SSH2: variants seen among roughly 807,000 people sequenced by gnomAD.
SSH2 encodes the protein protein phosphatase Slingshot homolog 2.
SSH2 carries 37 observed loss-of-function variants against 135.2 expected under a neutral mutation model. The observed-to-expected ratio is 0.27, with a 90% CI of 0.21 to 0.36. The LOEUF (loss-of-function observed/expected upper bound fraction) is 0.36, where lower values mean the gene tolerates loss of function less well. SSH2 is among the 10% of genes least tolerant of loss of function. The pLI is 1.00. For missense variants in SSH2, 1,408 were observed against 1,765.3 expected, an observed-to-expected ratio of 0.80 and a Z score of 3.63; for synonymous variants, 628 against 646.2, an observed-to-expected ratio of 0.97 and a Z score of 0.43.
chr17:29,928,365 C>T (rs776681326), intron 1 of SSH2: 7 of 394,998 alleles, frequency 1.8e-5, no homozygotes, highest in Non-Finnish European at 3.1e-5. Context: ...TACAAGTATT[C>T]TCAAATCACA....
chr17:29,765,677 T>G (rs1223484272), intron 3 of SSH2, among the ~76,000 whole-genome samples: 1 of 152,158 alleles, frequency 6.6e-6, no homozygotes, highest in Non-Finnish European at 1.5e-5. Flanking sequence ...AGCCCTACTT[T>G]CTTTAATCTT....
At chr17:29,681,580 C>A (rs1162136940) in intron 6 of SSH2, among the ~76,000 whole-genome samples, 2 of 150,952 alleles carry the variant, frequency 1.3e-5, no homozygotes, top group Non-Finnish European at 3.0e-5. Context: ...AAAAAAACCC[C>A]AAAAAACCAT....
At chr17:29,767,980 T>C (rs1320440542) in intron 3 of SSH2, among the ~76,000 whole-genome samples, 1 of 152,158 alleles carries the variant, frequency 6.6e-6, no homozygotes, top group African/African-American at 2.4e-5. Context: ...GTTTGAAATA[T>C]TTTAAACATC....
At chr17:29,761,841 A>AGTGTGTG (rs2041319161) in intron 3 of SSH2, among the ~76,000 whole-genome samples, 1 of 141,228 alleles carries the variant, frequency 7.1e-6, no homozygotes, top group Admixed American at 6.8e-5. Context: ...ACTCACATAC[A>AGTGTGTG]TATGTGTGTG....
At chr17:29,873,886 G>A (rs77481819) in intron 1 of SSH2, among the ~76,000 whole-genome samples, 10,127 of 152,242 alleles carry the variant, frequency 0.067, 472 homozygotes, top group Middle Eastern at 0.11. Flanking sequence ...TTAGATATTT[G>A]GTTGAGTTTC....
intron 2 of SSH2, among the ~76,000 whole-genome samples, chr17:29,804,250 T>C (rs748333346): frequency 5.3e-5 from 8 of 152,302 alleles, no homozygotes; most frequent in Non-Finnish European, 1.0e-4. Context: ...ACAAACTTTC[T>C]TCCCTATAAT....
intron 11 of SSH2, among the ~76,000 whole-genome samples, chr17:29,664,478 A>G (rs927960383): frequency 6.6e-6 from 1 of 152,070 alleles, no homozygotes; most frequent in African/African-American, 2.4e-5. Flanking sequence ...GTCTTCTAAA[A>G]TTTTTAAAAA....
intron 3 of SSH2, among the ~76,000 whole-genome samples, chr17:29,783,232 T>A (rs2041879010): frequency 6.7e-6 from 1 of 149,572 alleles, no homozygotes; most frequent in African/African-American, 2.4e-5. Flanking sequence ...TTATTAGGGT[T>A]CTCTATAGGG....
At position 29,913,347 on chromosome 17, in the gene SSH2, AATATATAT is replaced by A. The variant is rs56068605; in HGVS notation, c.63+16583_63+16590del. On this transcript the variant is annotated intron_variant, in intron 1 of 15. Transcript: ENST00000540801. The stretch of plus-strand genomic sequence containing the variant: ...AAAAAAAAAAAAAAAAAAAAAAAAA[AATATATAT>A]ATATATATATATATATATATATATA... Among the ~76,000 whole-genome samples, 241 of 28,736 alleles carry A rather than the reference AATATATAT, an allele frequency of 8.4e-3. 8 individuals are homozygous for A. Among genetic ancestry groups the A allele is most frequent in the African/African-American group, 0.013 (105 of 8,032 alleles). 18.9% of individuals were successfully genotyped at this position (28,736 alleles called of 152,430 possible).
At chr17:29,696,392 TTTATAC>T (rs1011777619) in intron 4 of SSH2, among the ~76,000 whole-genome samples, 2 of 148,024 alleles carry the variant, frequency 1.4e-5, no homozygotes, top group African/African-American at 2.5e-5. Context: ...TATATTTATA[TTTATAC>T]ATATCCATAC....
At chr17:29,828,988 C>T (rs2042791652) in intron 2 of SSH2, among the ~76,000 whole-genome samples, 1 of 152,062 alleles carries the variant, frequency 6.6e-6, no homozygotes, top group African/African-American at 2.4e-5. Context: ...AAAATTAAAC[C>T]ATATACATGT....
rs763671557 is a variant in SSH2 at position 29,631,438 on chromosome 17, G to A, written c.3756C>T (p.Ser1252=). 2 of 1,614,140 alleles carry A rather than the reference G, an allele frequency of 1.2e-6. No homozygotes were observed. Among genetic ancestry groups the A allele is most frequent in the South Asian group, 2.2e-5 (2 of 91,076 alleles). ...GCTCCTTCACCACACCGGGGCTGTG[G>A]CTGAGACTCTTTATGTTTTCACTAC... ...SSSSENIKSL[S]HSPGVVKERA... Residue 1252 remains serine, a synonymous_variant, in exon 16 of 16, where the codon AGC becomes AGT. Transcript: ENST00000540801.
chr17:29,781,809 C>T (rs1414459298), intron 3 of SSH2, among the ~76,000 whole-genome samples: 1 of 150,152 alleles, frequency 6.7e-6, no homozygotes, highest in African/African-American at 2.4e-5. Context: ...CTTTTCTTCT[C>T]CTCTCCTCTC....
chr17:29,711,463 C>A (rs2039428870), intron 3 of SSH2, among the ~76,000 whole-genome samples: 1 of 152,192 alleles, frequency 6.6e-6, no homozygotes, highest in South Asian at 2.1e-4. Context: ...TAACCATGTG[C>A]ATCTTAGAAA....
chr17:29,755,959 T>C (rs1422927875), intron 3 of SSH2, among the ~76,000 whole-genome samples: 2 of 144,212 alleles, frequency 1.4e-5, no homozygotes, highest in Admixed American at 6.9e-5. Flanking sequence ...CCGCGCCAGC[T>C]AAATTTTATT....
At chr17:29,884,560 T>C (rs2066198971) in intron 1 of SSH2, among the ~76,000 whole-genome samples, 1 of 152,210 alleles carries the variant, frequency 6.6e-6, no homozygotes, top group Non-Finnish European at 1.5e-5. Flanking sequence ...AATTGGAACA[T>C]GTTTGCTAAC....
At chr17:29,919,581 T>C (rs1467408651) in intron 1 of SSH2, among the ~76,000 whole-genome samples, 5 of 152,288 alleles carry the variant, frequency 3.3e-5, no homozygotes, top group East Asian at 3.9e-4. Context: ...CTGCACAAAA[T>C]AGCACTCACT....
At chr17:29,707,518 A>G (rs80018906) in intron 3 of SSH2, among the ~76,000 whole-genome samples, 4,453 of 152,186 alleles carry the variant, frequency 0.029, 209 homozygotes, top group African/African-American at 0.1. Context: ...AGGTAGGCCA[A>G]CAGACTACTA....
At chr17:29,685,168 C>T (rs2038161552) in intron 5 of SSH2, among the ~76,000 whole-genome samples, 1 of 152,136 alleles carries the variant, frequency 6.6e-6, no homozygotes, top group African/African-American at 2.4e-5. Context: ...CATGTTAATG[C>T]ACTATAAGAT....
Sources: gnomAD v4.1 joint callset for allele counts (sites outside exome capture counted in the v4.1 genomes callset) on GRCh38, gnomAD v4.1.1 for gene constraint, MANE v1.5 for transcripts, NCBI Gene and HGNC (gene_info 2026-07-23, HGNC 2026-07-21) for gene names.